Variants in SEMA3D observed in about 807,000 individuals in gnomAD.
The protein encoded by SEMA3D is semaphorin 3D.
In SEMA3D, 84 loss-of-function variants were observed where a neutral mutation model predicts 100.1. That is an observed-to-expected ratio of 0.84 (90% confidence interval 0.70 to 1.01). The LOEUF (loss-of-function observed/expected upper bound fraction) is 1.01, where lower values mean the gene tolerates loss of function less well. Ranked by LOEUF, SEMA3D falls within the 50% of genes least tolerant of loss-of-function variation. SEMA3D has a pLI of 0.00. For synonymous variants in SEMA3D, 312 were observed against 320.7 expected (o/e 0.97, Z 0.29); for missense variants, 875 against 934.1 (o/e 0.94, Z 0.82).
At chr7:85,168,013 C>T (rs1306385660) in intron 1 of SEMA3D, among the ~76,000 whole-genome samples, 1 of 151,828 alleles carries the variant, frequency 6.6e-6, no homozygotes, top group Non-Finnish European at 1.5e-5. Flanking sequence ...CTATACTGTT[C>T]CCATGCATAT....
the SEMA3D span, among the ~76,000 whole-genome samples, chr7:85,205,375 CTTAAT>C: frequency 6.6e-6 from 1 of 152,118 alleles, no homozygotes; most frequent in Non-Finnish European, 1.5e-5. Context: ...CGCTAATTAG[CTTAAT>C]TTAATCATTA....
the SEMA3D span, among the ~76,000 whole-genome samples, chr7:85,229,118 C>G: frequency 6.6e-6 from 1 of 151,926 alleles, no homozygotes; most frequent in East Asian, 1.9e-4. Context: ...AGAAGATATA[C>G]TAAGTTGTAA....
chr7:85,227,933 A>G, the SEMA3D span, among the ~76,000 whole-genome samples: 1 of 152,170 alleles, frequency 6.6e-6, no homozygotes, highest in Non-Finnish European at 1.5e-5. Context: ...GGCAATAATT[A>G]TATGACTCAA....
At chr7:85,202,058 A>C in the SEMA3D span, among the ~76,000 whole-genome samples, 5 of 151,124 alleles carry the variant, frequency 3.3e-5, no homozygotes, top group African/African-American at 4.9e-5. Flanking sequence ...ATTTATTATT[A>C]TTATTTTTTA....
chr7:85,210,674 T>C, the SEMA3D span, among the ~76,000 whole-genome samples: 3 of 152,124 alleles, frequency 2.0e-5, no homozygotes, highest in Admixed American at 6.6e-5. Flanking sequence ...GAATTAAAGA[T>C]TGAAGATACC....
At chr7:85,095,291 T>C (rs746316782) in intron 4 of SEMA3D, among the ~76,000 whole-genome samples, 6 of 152,034 alleles carry the variant, frequency 3.9e-5, no homozygotes, top group Non-Finnish European at 8.8e-5. Flanking sequence ...CAAATATGAA[T>C]GATAATGGCC....
intron 3 of SEMA3D, among the ~76,000 whole-genome samples, chr7:85,104,147 T>C (rs868675937): frequency 6.6e-6 from 1 of 152,216 alleles, no homozygotes. Context: ...ATGTGACTTT[T>C]GCAGGCAATG....
chr7:85,220,956 C>G, the SEMA3D span, among the ~76,000 whole-genome samples: 1 of 152,100 alleles, frequency 6.6e-6, no homozygotes, highest in Non-Finnish European at 1.5e-5. Flanking sequence ...GTGAATAACT[C>G]AGAGCAGTAA....
chr7:85,182,791 G>A (rs1350816244), intron 1 of SEMA3D, among the ~76,000 whole-genome samples: 1 of 152,018 alleles, frequency 6.6e-6, no homozygotes, highest in Admixed American at 6.6e-5. Flanking sequence ...GTGAATATTT[G>A]TTTCTCCTTT....
chr7:85,228,764 A>G, the SEMA3D span, among the ~76,000 whole-genome samples: 5 of 152,082 alleles, frequency 3.3e-5, no homozygotes, highest in African/African-American at 1.2e-4. Flanking sequence ...TGAAAGTCAT[A>G]AGAGAATTAT....
intron 3 of SEMA3D, among the ~76,000 whole-genome samples, chr7:85,104,534 A>T (rs536228182): frequency 6.6e-6 from 1 of 152,158 alleles, no homozygotes. Context: ...CCCTTAATAC[A>T]ATTGTTCATT....
intron 6 of SEMA3D, among the ~76,000 whole-genome samples, chr7:85,071,130 C>A (rs1243766872): frequency 6.6e-6 from 1 of 152,148 alleles, no homozygotes; most frequent in Non-Finnish European, 1.5e-5. Flanking sequence ...GCGAGTTTGG[C>A]CTTTATCCTT....
At chr7:85,154,132 G>T in intron 1 of SEMA3D, among the ~76,000 whole-genome samples, 1 of 151,844 alleles carries the variant, frequency 6.6e-6, no homozygotes, top group East Asian at 1.9e-4. Context: ...ACTGCTTACA[G>T]TGCCTTACTG....
chr7:85,169,959 A>G (rs2116543605), intron 1 of SEMA3D, among the ~76,000 whole-genome samples: 1 of 151,836 alleles, frequency 6.6e-6, no homozygotes, highest in South Asian at 2.1e-4. Context: ...TGTGAATGTG[A>G]AAATAAAAAA....
intron 2 of SEMA3D, among the ~76,000 whole-genome samples, chr7:85,145,773 T>C (rs1790187035): frequency 6.6e-6 from 1 of 152,172 alleles, no homozygotes; most frequent in Non-Finnish European, 1.5e-5. Flanking sequence ...GGGATATTGA[T>C]TCCAAGATCC....
chr7:85,223,115 T>A, the SEMA3D span, among the ~76,000 whole-genome samples: 1 of 151,890 alleles, frequency 6.6e-6, no homozygotes, highest in Non-Finnish European at 1.5e-5. Context: ...GGCAATACCA[T>A]CTTATTCCTG....
chr7:85,046,746 T>A (rs1199014637), intron 9 of SEMA3D, among the ~76,000 whole-genome samples: 1 of 151,952 alleles, frequency 6.6e-6, no homozygotes, highest in African/African-American at 2.4e-5. Context: ...TGGATTTGTT[T>A]GCATATCCAC....
intron 5 of SEMA3D, among the ~76,000 whole-genome samples, chr7:85,078,184 T>C (rs1257725612): frequency 6.6e-6 from 1 of 152,120 alleles, no homozygotes; most frequent in Non-Finnish European, 1.5e-5. Flanking sequence ...GGGAGAGGTA[T>C]TTATAAATGA....
At chr7:85,031,052 G>A (rs1790533979) in intron 12 of SEMA3D, among the ~76,000 whole-genome samples, 2 of 151,962 alleles carry the variant, frequency 1.3e-5, no homozygotes, top group Admixed American at 1.3e-4. Flanking sequence ...ATATCCTTTT[G>A]CATTCTTGCT....
Sources: allele counts gnomAD v4.1 joint callset (sites outside exome capture counted in the v4.1 genomes callset), GRCh38; gene constraint gnomAD v4.1.1; transcripts MANE v1.5; gene names NCBI Gene and HGNC (gene_info 2026-07-23, HGNC 2026-07-21).